Variants in EVI5 observed in about 807,000 individuals in gnomAD.
The protein encoded by EVI5 is ecotropic viral integration site 5.
Under a neutral mutation model 112.0 loss-of-function variants are expected in EVI5, and 73 were observed. That is an observed-to-expected ratio of 0.65 (90% CI 0.54 to 0.79). EVI5 has a LOEUF of 0.79. Among genes scored for constraint, EVI5 ranks in the 30% least tolerant of loss-of-function variants. EVI5 has a pLI of 0.00. For synonymous variants in EVI5, 305 were observed against 319.9 expected (o/e 0.95, Z 0.50); for missense variants, 900 against 968.8 (o/e 0.93, Z 0.94).
chr1:92,605,525 C>A, intron 17 of EVI5, 123 bp from the exon 18 acceptor site: 2 of 640,020 alleles, frequency 3.1e-6, no homozygotes, highest in South Asian at 2.0e-5. Flanking sequence ...AAGGCAGCAT[C>A]CATAATGAAA....
At chr1:92,606,226 A>G (rs777838479) in intron 17 of EVI5, among the ~76,000 whole-genome samples, 18 of 152,246 alleles carry the variant, frequency 1.2e-4, no homozygotes, top group Non-Finnish European at 1.3e-4. Flanking sequence ...AGTTCAAAGA[A>G]AATTATTATT....
At chr1:92,599,633 G>C (rs1201789343) in intron 18 of EVI5, among the ~76,000 whole-genome samples, 2 of 152,012 alleles carry the variant, frequency 1.3e-5, no homozygotes, top group East Asian at 3.9e-4. Flanking sequence ...TAGCCAAAAA[G>C]CACTCAGTCC....
intron 10 of EVI5, among the ~76,000 whole-genome samples, chr1:92,666,718 C>A (rs1186867509): frequency 6.6e-6 from 1 of 151,850 alleles, no homozygotes; most frequent in Non-Finnish European, 1.5e-5. Flanking sequence ...AATAAATACA[C>A]CACAGCAAAG....
intron 10 of EVI5, among the ~76,000 whole-genome samples, chr1:92,672,979 C>T (rs528077988): frequency 1.5e-4 from 23 of 152,284 alleles, no homozygotes; most frequent in Middle Eastern, 3.4e-3. Flanking sequence ...AATGTGACCA[C>T]TGGCATAATA....
intron 14 of EVI5, 38 bp from the exon 15 acceptor site, chr1:92,625,972 T>A: frequency 7.1e-7 from 1 of 1,414,820 alleles, no homozygotes; most frequent in Non-Finnish European, 9.9e-7. Flanking sequence ...ATTTTTAAAT[T>A]TAAGGAATAA....
chr1:92,681,626 C>T (rs1437333956), intron 9 of EVI5, among the ~76,000 whole-genome samples: 1 of 152,132 alleles, frequency 6.6e-6, no homozygotes, highest in Non-Finnish European at 1.5e-5. Flanking sequence ...ACTTTTAAAA[C>T]CAGATCATGT....
intron 2 of EVI5, among the ~76,000 whole-genome samples, chr1:92,716,907 G>A (rs535484328): frequency 1.3e-4 from 19 of 151,164 alleles, no homozygotes; most frequent in Admixed American, 2.0e-4. Flanking sequence ...CGCCAGCAAC[G>A]GAACAAAGCT....
rs138661512 is a variant in EVI5, at chr1:92,667,302, T to C, written c.1159-1310A>G. ...TTGTCTCAAATTTAAAAAAAAAAAA[T>C]TGCCCATTTAGACTTCAATAGTCTC... On this transcript the variant is annotated intron_variant, in intron 10 of 19. Transcript: ENST00000684568. Among the ~76,000 whole-genome samples, 354 of 151,804 alleles carry C rather than the reference T, an allele frequency of 2.3e-3. 1 individual carries two copies. The highest frequency in any genetic ancestry group is 8.2e-3 in the African/African-American group (338 of 41,388).
Position 92,677,104 on chromosome 1 carries a change from G to A in EVI5, c.1158+54C>T, listed in dbSNP as rs1483714249. Reference sequence around the variant, plus strand: ...GAAGTACAAACTTTAAACATCTACTGTCCAATAATTGATTTCAATCAATCA... The same window carrying A: ...GAAGTACAAACTTTAAACATCTACTATCCAATAATTGATTTCAATCAATCA... On this transcript the variant is annotated intron_variant, in intron 10 of 19. Transcript: ENST00000684568. 1.2e-5 allele frequency: 13 copies of A among 1,046,736 alleles called. No individual in the cohort carries two copies. The Admixed American group carries it at 2.4e-4, about 19-fold the overall frequency. 64.8% of individuals were successfully genotyped at this position (1,046,736 alleles called of 1,614,324 possible).
chr1:92,565,951 A>AAAAAAAAAAAC (rs1669393570), intron 18 of EVI5, among the ~76,000 whole-genome samples: 1 of 144,456 alleles, frequency 6.9e-6, no homozygotes, highest in South Asian at 2.2e-4. Flanking sequence ...GCCCGAGCAA[A>AAAAAAAAAAAC]AAAAAAAAAA....
At chr1:92,758,181 A>G (rs1194720149) in intron 1 of EVI5, among the ~76,000 whole-genome samples, 1 of 152,238 alleles carries the variant, frequency 6.6e-6, no homozygotes, top group African/African-American at 2.4e-5. Context: ...GTAGCAAGTG[A>G]AATAAAAACA....
intron 1 of EVI5, among the ~76,000 whole-genome samples, chr1:92,771,292 A>G (rs1242528350): frequency 2.0e-5 from 3 of 152,052 alleles, no homozygotes; most frequent in Non-Finnish European, 4.4e-5. Context: ...CTGGTCCCCA[A>G]CATTCCAATT....
intron 16 of EVI5, among the ~76,000 whole-genome samples, chr1:92,612,553 T>C (rs1652091920): frequency 6.6e-6 from 1 of 151,512 alleles, no homozygotes; most frequent in Non-Finnish European, 1.5e-5. Flanking sequence ...CCACTAAAAA[T>C]ACAAATATTA....
At chr1:92,681,516 T>G (rs994129973) in intron 9 of EVI5, among the ~76,000 whole-genome samples, 8 of 152,188 alleles carry the variant, frequency 5.3e-5, no homozygotes, top group African/African-American at 1.9e-4. Flanking sequence ...ACAACTGTCA[T>G]GTAGTAAGGG....
chr1:92,699,058 T>C (rs979590212), intron 5 of EVI5, among the ~76,000 whole-genome samples: 1 of 152,166 alleles, frequency 6.6e-6, no homozygotes, highest in Admixed American at 6.5e-5. Flanking sequence ...CTCCAGGCCT[T>C]CTTCTTACTG....
At chr1:92,777,602 T>C (rs1349138108) in intron 1 of EVI5, among the ~76,000 whole-genome samples, 2 of 152,116 alleles carry the variant, frequency 1.3e-5, no homozygotes, top group Admixed American at 1.3e-4. Flanking sequence ...CAGACAACTA[T>C]GAAGAAATTT....
intron 2 of EVI5, among the ~76,000 whole-genome samples, chr1:92,721,988 A>T (rs1290671308): frequency 3.3e-5 from 5 of 152,174 alleles, no homozygotes; most frequent in Non-Finnish European, 7.3e-5. Context: ...TATACCCTTT[A>T]GCACTGTCTG....
At chr1:92,647,375 C>G (rs1661177359) in intron 13 of EVI5, 1 of 266,036 alleles carries the variant, frequency 3.8e-6, no homozygotes, top group Non-Finnish European at 7.6e-6. Flanking sequence ...CTTTTGGAGA[C>G]ATGAAGGTCC....
intron 13 of EVI5, among the ~76,000 whole-genome samples, chr1:92,650,515 T>C (rs1468759145): frequency 6.6e-6 from 1 of 152,108 alleles, no homozygotes; most frequent in Non-Finnish European, 1.5e-5. Flanking sequence ...CGCATTCTTT[T>C]ACTTTTAACC....
Sources: allele counts gnomAD v4.1 joint callset (sites outside exome capture counted in the v4.1 genomes callset), GRCh38; gene constraint gnomAD v4.1.1; transcripts MANE v1.5; gene names NCBI Gene and HGNC (gene_info 2026-07-23, HGNC 2026-07-21).